SMPD3: variants seen among roughly 807,000 people sequenced by gnomAD.
SMPD3 encodes sphingomyelin phosphodiesterase 3, also known as nSMase-2.
In SMPD3, 21 loss-of-function variants were observed where a neutral mutation model predicts 55.7. The ratio of observed to expected loss-of-function variants is 0.38; its 90% CI spans 0.27 to 0.54. The LOEUF (loss-of-function observed/expected upper bound fraction) is 0.54. Ranked by LOEUF, SMPD3 falls within the 20% of genes least tolerant of loss-of-function variation. The pLI, the probability that SMPD3 is intolerant of heterozygous loss-of-function variation, is 0.80. For missense variants in SMPD3, 842 were observed against 899.6 expected (o/e 0.94, Z 0.82); for synonymous variants, 457 against 404.3 (o/e 1.13, Z -1.56).
At position 68,404,304 on chromosome 16, in the gene SMPD3, C is replaced by T. The variant is rs4783627; in HGVS notation, c.-268-17645G>A. Among the ~76,000 whole-genome samples the T allele has an allele frequency of 0.19, 28,432 of 151,120 alleles. 2,725 individuals are homozygous for T. Among genetic ancestry groups the T allele is most frequent in the African/African-American group, 0.2 (8,405 of 41,134 alleles). ...TAGTAGAGATGGGGTTTCTCCATGT[C>T]GGTCAGGCTGGTCTCGAACTCCCGA... On this transcript the variant is annotated intron_variant, in intron 1 of 8. Coordinates refer to ENST00000219334, the MANE Select transcript of SMPD3 (RefSeq NM_018667.4). The surrounding 1 kb of genome is among the most constrained non-coding windows in gnomAD (Gnocchi z 4.0).
intron 1 of SMPD3, among the ~76,000 whole-genome samples, chr16:68,423,819 G>T (rs1161803879): frequency 6.6e-6 from 1 of 152,086 alleles, no homozygotes; most frequent in Non-Finnish European, 1.5e-5. Flanking sequence ...GAGCATGAAA[G>T]AACAGACTGG....
intron 1 of SMPD3, among the ~76,000 whole-genome samples, chr16:68,438,115 T>C (rs1038114491): frequency 5.3e-5 from 8 of 152,124 alleles, no homozygotes; most frequent in African/African-American, 1.9e-4. Context: ...AGGATACTAT[T>C]GCCTGCCTCC....
At chr16:68,394,551 A>G (rs2090138916) in intron 1 of SMPD3, among the ~76,000 whole-genome samples, 1 of 152,222 alleles carries the variant, frequency 6.6e-6, no homozygotes, top group South Asian at 2.1e-4. Flanking sequence ...AAATTAATTG[A>G]CATTTATTAG....
At chr16:68,425,746 C>T (rs954395861) in intron 1 of SMPD3, among the ~76,000 whole-genome samples, 5 of 152,106 alleles carry the variant, frequency 3.3e-5, no homozygotes, top group Non-Finnish European at 5.9e-5. Flanking sequence ...GCAAGATATC[C>T]GGCCTCGGGC....
rs1382346672 is a variant in SMPD3 at position 68,364,739 on chromosome 16, G to A, written c.1555+12C>T. The A allele has an allele frequency of 1.9e-6, 3 of 1,608,358 alleles. No individual in the cohort carries two copies. The highest frequency in any genetic ancestry group is 2.5e-6 in the Non-Finnish European group (3 of 1,177,012). ...GAGCTGGAGACCTGAGTGGGGAGGA[G>A]CCCGGCCTCACCAGAGGAGCAGTTA... On this transcript the variant is annotated intron_variant, in intron 5 of 8. Transcript: ENST00000219334.
chr16:68,412,112 C>T (rs1033958772), intron 1 of SMPD3, among the ~76,000 whole-genome samples: 18 of 152,038 alleles, frequency 1.2e-4, no homozygotes, highest in Admixed American at 7.9e-4. Flanking sequence ...GAGCTGTGCC[C>T]GGGAGGCCAG....
intron 1 of SMPD3, among the ~76,000 whole-genome samples, chr16:68,421,437 G>A (rs1390845653): frequency 6.6e-6 from 1 of 152,214 alleles, no homozygotes; most frequent in East Asian, 1.9e-4. Context: ...GACAGCACAG[G>A]AAGATAGGTA....
chr16:68,369,965 T>A (rs1180737125), intron 3 of SMPD3: 1 of 152,266 alleles, frequency 6.6e-6, no homozygotes, highest in Non-Finnish European at 1.5e-5. Context: ...AAGCCACCAC[T>A]TTTTCATGTC....
At chr16:68,438,352 A>G (rs534111492) in intron 1 of SMPD3, among the ~76,000 whole-genome samples, 1 of 152,308 alleles carries the variant, frequency 6.6e-6, no homozygotes, top group South Asian at 2.1e-4. Context: ...AATTTATTTG[A>G]AAACCAAATA....
chr16:68,384,987 G>A (rs2090026898), intron 2 of SMPD3, among the ~76,000 whole-genome samples: 1 of 152,150 alleles, frequency 6.6e-6, no homozygotes, highest in African/African-American at 2.4e-5. Context: ...ACAGCTATGA[G>A]CCAGTCCATG....
chr16:68,381,684 C>T (rs149759283), intron 2 of SMPD3, among the ~76,000 whole-genome samples: 96 of 152,290 alleles, frequency 6.3e-4, no homozygotes, highest in African/African-American at 2.1e-3. Context: ...GTGGCTGCTC[C>T]GTCAGCCTCA....
In SMPD3 at chr16:68,396,135, C is replaced by G. The variant is rs543184297; in HGVS notation, c.-268-9476G>C. On this transcript the variant is annotated intron_variant, in intron 1 of 8. Coordinates refer to ENST00000219334, the MANE Select transcript of SMPD3 (RefSeq NM_018667.4). ...TGAGTCCATTTCTAGTCCCTACTCCCAACCCCTCCGTGGCTGTCACCGCCA... is the reference window on the plus strand; with the variant it reads ...TGAGTCCATTTCTAGTCCCTACTCCGAACCCCTCCGTGGCTGTCACCGCCA... Among the ~76,000 whole-genome samples, 12 of 152,338 alleles carry G rather than the reference C, an allele frequency of 7.9e-5. No homozygotes were observed. In the South Asian group the frequency reaches 2.1e-3, roughly 26 times the overall value.
chr16:68,413,239 T>C (rs1176775498), intron 1 of SMPD3, among the ~76,000 whole-genome samples: 1 of 152,252 alleles, frequency 6.6e-6, no homozygotes, highest in Admixed American at 6.5e-5. Context: ...TTTTCTGCCC[T>C]GGCCTCCATA....
Position 68,447,892 on chromosome 16 carries a change from G to T in SMPD3, c.-269+461C>A, listed in dbSNP as rs1208596466. On this transcript the variant is annotated intron_variant, in intron 1 of 8. Coordinates refer to ENST00000219334, the MANE Select transcript of SMPD3 (RefSeq NM_018667.4). The surrounding 1 kb of genome is among the most constrained non-coding windows in gnomAD (Gnocchi z 5.1). ...CAGCCCTTCCTGAATACCCCTGGGA[G>T]GGTCTGGGCTAGGGGAGCGGTCCGC... 6.6e-6 allele frequency among the ~76,000 whole-genome samples: 1 copy of T among 152,078 alleles called. No homozygotes were observed. The highest frequency in any genetic ancestry group is 1.5e-5 in the Non-Finnish European group (1 of 67,998).
chr16:68,413,779 T>C (rs1388368296), intron 1 of SMPD3, among the ~76,000 whole-genome samples: 1 of 152,218 alleles, frequency 6.6e-6, no homozygotes, highest in East Asian at 1.9e-4. Flanking sequence ...GTGATTTTAA[T>C]GGGTAGAGCA....
chr16:68,376,364 GTC>G (rs939052601), intron 2 of SMPD3, among the ~76,000 whole-genome samples: 1 of 152,230 alleles, frequency 6.6e-6, no homozygotes, highest in African/African-American at 2.4e-5. Context: ...CCAGGCCAGA[GTC>G]TGTCTCCAGG....
At position 68,371,703 on chromosome 16, in the gene SMPD3, T is replaced by C. The variant is rs781557377; in HGVS notation, c.479A>G (p.Asn160Ser). The C allele has an allele frequency of 6.3e-7, 1 of 1,584,000 alleles. No homozygotes were observed. Among genetic ancestry groups the C allele is most frequent in the South Asian group, 1.1e-5 (1 of 86,988 alleles). Residue 160 changes from asparagine to serine, a missense_variant, in exon 3 of 9, where the codon AAT (asparagine) becomes AGT (serine). Asn to Ser is a conservative substitution (Grantham distance 46, BLOSUM62 1). Coordinates refer to ENST00000219334, the MANE Select transcript of SMPD3 (RefSeq NM_018667.4). ...RAKEIGQRIR[N>S]GAARPQIKIY... ...TTTGATCTGGGGCCGGGCGGCCCCA[T>C]TGCGGATTCTCTGCCCGATCTCCTT...
At chr16:68,415,536 C>T (rs1485295770) in intron 1 of SMPD3, among the ~76,000 whole-genome samples, 1 of 152,170 alleles carries the variant, frequency 6.6e-6, no homozygotes, top group Admixed American at 6.5e-5. Context: ...TCTACGGAAA[C>T]GTTAACCTAC....
At chr16:68,430,702 A>G (rs2090472898) in intron 1 of SMPD3, among the ~76,000 whole-genome samples, 1 of 152,180 alleles carries the variant, frequency 6.6e-6, no homozygotes, top group South Asian at 2.1e-4. Context: ...TTGGAAACAC[A>G]TCATGCAGAA....
Sources: allele counts gnomAD v4.1 joint callset (sites outside exome capture counted in the v4.1 genomes callset), GRCh38; gene constraint gnomAD v4.1.1; non-coding constraint Gnocchi (gnomAD v3.1); transcripts MANE v1.5; gene names NCBI Gene and HGNC (gene_info 2026-07-23, HGNC 2026-07-21).